The following COL5A2 variants were observed in gnomAD, a reference collection of about 807,000 sequenced individuals.
COL5A2 encodes collagen type V alpha 2 chain, also known as collagen alpha-2(V) chain.
A neutral mutation model predicts 208.2 loss-of-function variants in COL5A2; 23 were observed. The ratio of observed to expected loss-of-function variants is 0.11; its 90% confidence interval spans 0.08 to 0.16. The LOEUF (loss-of-function observed/expected upper bound fraction) is 0.16. COL5A2 is among the 10% of genes least tolerant of loss of function. The pLI, the probability that COL5A2 is intolerant of heterozygous loss-of-function variation, is 1.00. For synonymous variants in COL5A2, 625 were observed against 628.5 expected, an observed-to-expected ratio of 0.99 and a Z score of 0.08; for missense variants, 1,590 against 1,956.4, an observed-to-expected ratio of 0.81 and a Z score of 3.53.
chr2:189,148,532 G>A (rs1359765840), intron 1 of COL5A2, among the ~76,000 whole-genome samples: 1 of 152,030 alleles, frequency 6.6e-6, no homozygotes, highest in African/African-American at 2.4e-5. Flanking sequence ...GGTGTGAATT[G>A]AGACTTAAAA....
chr2:189,354,694 C>A, the COL5A2 span, among the ~76,000 whole-genome samples: 1 of 151,994 alleles, frequency 6.6e-6, no homozygotes, highest in Non-Finnish European at 1.5e-5. Context: ...GTCTTGCTGG[C>A]ATTCTATCTA....
intron 1 of COL5A2, among the ~76,000 whole-genome samples, chr2:189,210,449 A>T (rs1251182776): frequency 1.3e-5 from 2 of 150,594 alleles, no homozygotes; most frequent in African/African-American, 4.9e-5. Context: ...AAAAAAAAGG[A>T]CAGAGGAAGC....
At chr2:189,330,446 C>T in the COL5A2 span, among the ~76,000 whole-genome samples, 1 of 152,176 alleles carries the variant, frequency 6.6e-6, no homozygotes, top group South Asian at 2.1e-4. Context: ...AGGGCTTTTA[C>T]CAAAAGCAAA....
At chr2:189,099,887 T>G (rs558417011) in intron 4 of COL5A2, among the ~76,000 whole-genome samples, 1 of 152,316 alleles carries the variant, frequency 6.6e-6, no homozygotes, top group Non-Finnish European at 1.5e-5. Context: ...AACAATGACT[T>G]TCTACCTTTA....
the COL5A2 span, among the ~76,000 whole-genome samples, chr2:189,360,100 G>C: frequency 6.6e-6 from 1 of 151,342 alleles, no homozygotes; most frequent in Admixed American, 6.6e-5. Flanking sequence ...TTTTATGTTT[G>C]GTTTGTTCTT....
At position 189,079,961 on chromosome 2, in the gene COL5A2, G is replaced by C. The variant is rs1686494592; in HGVS notation, c.960+17C>G. On this transcript the variant is annotated intron_variant, in intron 14 of 53. Transcript: ENST00000374866. ...AGATGCCAAAGTGAGGTTACAGTGAGATAATTATAAGATTACCTTGGAACC... is the reference window on the plus strand; with the variant it reads ...AGATGCCAAAGTGAGGTTACAGTGACATAATTATAAGATTACCTTGGAACC... 3 of 1,607,230 alleles carry C rather than the reference G, an allele frequency of 1.9e-6. No homozygotes were observed. The African/African-American group carries it at 4.0e-5, about 21-fold the overall frequency.
At chr2:189,289,547 GA>G in the COL5A2 span, among the ~76,000 whole-genome samples, 3 of 151,812 alleles carry the variant, frequency 2.0e-5, no homozygotes, top group Non-Finnish European at 4.4e-5. Context: ...CATTAGTCAA[GA>G]AAAAAATGAT....
chr2:189,413,636 C>G, the COL5A2 span, among the ~76,000 whole-genome samples: 1 of 151,706 alleles, frequency 6.6e-6, no homozygotes, highest in Non-Finnish European at 1.5e-5. Context: ...AGGGAGGGGC[C>G]GGGTTCAGTA....
chr2:189,081,777 A>C (rs2105639583), intron 12 of COL5A2, among the ~76,000 whole-genome samples: 1 of 152,316 alleles, frequency 6.6e-6, no homozygotes, highest in African/African-American at 2.4e-5. Context: ...TAAATAAAAA[A>C]CAATAGAAAT....
chr2:189,390,513 T>C, the COL5A2 span, among the ~76,000 whole-genome samples: 1 of 152,138 alleles, frequency 6.6e-6, no homozygotes, highest in Non-Finnish European at 1.5e-5. Context: ...ATATGAAATA[T>C]GGTTGCTGCT....
chr2:189,326,075 T>C, the COL5A2 span, among the ~76,000 whole-genome samples: 4 of 133,448 alleles, frequency 3.0e-5, no homozygotes, highest in Non-Finnish European at 6.1e-5. Flanking sequence ...CCAGCCTGAG[T>C]GACAGAGCAA....
the COL5A2 span, among the ~76,000 whole-genome samples, chr2:189,325,151 A>G: frequency 2.0e-5 from 3 of 150,862 alleles, no homozygotes; most frequent in African/African-American, 7.3e-5. Flanking sequence ...GGAACATCAC[A>G]CACTGGGGCC....
the COL5A2 span, among the ~76,000 whole-genome samples, chr2:189,308,748 G>A: frequency 6.6e-6 from 1 of 152,188 alleles, no homozygotes; most frequent in East Asian, 1.9e-4. Context: ...GACTCCATCT[G>A]TGACCTGGAA....
At chr2:189,234,591 C>A in the COL5A2 span, among the ~76,000 whole-genome samples, 1 of 151,800 alleles carries the variant, frequency 6.6e-6, no homozygotes, top group Non-Finnish European at 1.5e-5. Context: ...TTAAACCATT[C>A]TTCTCTGAAA....
chr2:189,315,680 C>T, the COL5A2 span, among the ~76,000 whole-genome samples: 1 of 152,122 alleles, frequency 6.6e-6, no homozygotes, highest in Non-Finnish European at 1.5e-5. Context: ...ATCTAGAAAA[C>T]CCCCTTGTCT....
chr2:189,426,518 A>C, the COL5A2 span, among the ~76,000 whole-genome samples: 1 of 152,152 alleles, frequency 6.6e-6, no homozygotes, highest in Non-Finnish European at 1.5e-5. Flanking sequence ...ACATATGTTG[A>C]TTGATGTCTC....
chr2:189,055,589 T>C (rs1337985340), intron 35 of COL5A2, among the ~76,000 whole-genome samples: 1 of 152,212 alleles, frequency 6.6e-6, no homozygotes, highest in Admixed American at 6.5e-5. Context: ...ATTTATGTAA[T>C]ATACTTCTTT....
the COL5A2 span, among the ~76,000 whole-genome samples, chr2:189,402,160 G>A: frequency 7.2e-5 from 11 of 152,024 alleles, no homozygotes; most frequent in African/African-American, 2.4e-4. Context: ...GTCCTGAATG[G>A]TATTGCCTAG....
chr2:189,432,750 C>A, the COL5A2 span, among the ~76,000 whole-genome samples: 169 of 152,296 alleles, frequency 1.1e-3, no homozygotes, highest in African/African-American at 3.7e-3. Context: ...TAACACCCCA[C>A]TCTCAATATT....
Sources: gnomAD v4.1 joint callset for allele counts (sites outside exome capture counted in the v4.1 genomes callset) on GRCh38, gnomAD v4.1.1 for gene constraint, MANE v1.5 for transcripts, NCBI Gene and HGNC (gene_info 2026-07-23, HGNC 2026-07-21) for gene names.